CADPS2: variants seen among roughly 807,000 people sequenced by gnomAD.
CADPS2 encodes calcium dependent secretion activator 2.
A neutral mutation model predicts 172.5 loss-of-function variants in CADPS2; 93 were observed. The observed-to-expected ratio is 0.54, with a 90% CI of 0.46 to 0.64. The LOEUF (loss-of-function observed/expected upper bound fraction) is 0.64, where lower values mean the gene tolerates loss of function less well. CADPS2 is among the 30% of genes least tolerant of loss of function. CADPS2 has a pLI of 0.00. For missense variants in CADPS2, 1,420 were observed against 1,565.9 expected, an observed-to-expected ratio of 0.91 and a Z score of 1.57; for synonymous variants, 546 against 555.2, an observed-to-expected ratio of 0.98 and a Z score of 0.23.
At chr7:122,535,240 G>GT (rs2062139347) in intron 8 of CADPS2, among the ~76,000 whole-genome samples, 3 of 152,054 alleles carry the variant, frequency 2.0e-5, no homozygotes. Flanking sequence ...AATCAGACAA[G>GT]TGAGTTCAAA....
At chr7:122,453,514 A>C (rs2053391725) in intron 14 of CADPS2, among the ~76,000 whole-genome samples, 1 of 152,200 alleles carries the variant, frequency 6.6e-6, no homozygotes, top group African/African-American at 2.4e-5. Flanking sequence ...AAATTACATT[A>C]TCATGTAGAC....
At chr7:122,665,677 T>C (rs1007250967) in intron 2 of CADPS2, among the ~76,000 whole-genome samples, 5 of 152,208 alleles carry the variant, frequency 3.3e-5, no homozygotes, top group African/African-American at 7.2e-5. Context: ...GACGGCTGTA[T>C]AGGCAGTCAA....
intron 4 of CADPS2, among the ~76,000 whole-genome samples, chr7:122,628,048 T>C (rs1481947034): frequency 6.6e-6 from 1 of 152,154 alleles, no homozygotes; most frequent in African/African-American, 2.4e-5. Context: ...CCCTAATTTA[T>C]AGCACACTGT....
At chr7:122,489,995 A>G in intron 11 of CADPS2, 86 bp downstream of exon 11, 1 of 1,088,066 alleles carries the variant, frequency 9.2e-7, no homozygotes, top group East Asian at 2.6e-5. Context: ...AATGATGTAA[A>G]CTATAATACT....
chr7:122,809,582 A>G (rs1469715362), intron 1 of CADPS2, among the ~76,000 whole-genome samples: 1 of 149,516 alleles, frequency 6.7e-6, no homozygotes, highest in African/African-American at 2.4e-5. Flanking sequence ...ACTGTCTCAA[A>G]AAAAAAAAAA....
At chr7:122,629,395 A>C (rs1365544239) in intron 3 of CADPS2, 67 bp from the exon 4 acceptor site, 1 of 1,162,744 alleles carries the variant, frequency 8.6e-7, no homozygotes, top group Admixed American at 2.6e-5. Context: ...CCACAGACTG[A>C]GGCAGTCCCA....
intron 7 of CADPS2, among the ~76,000 whole-genome samples, chr7:122,573,138 C>A (rs1385281052): frequency 2.0e-5 from 3 of 152,176 alleles, no homozygotes; most frequent in East Asian, 3.9e-4. Context: ...CAGTGCTTCT[C>A]AACTCTGTAT....
intron 9 of CADPS2, among the ~76,000 whole-genome samples, chr7:122,510,443 CTT>C (rs2059927749): frequency 6.6e-6 from 1 of 152,148 alleles, no homozygotes. Context: ...ACATGAGAGT[CTT>C]TGAAACGTCT....
intron 17 of CADPS2, among the ~76,000 whole-genome samples, chr7:122,435,598 G>C (rs1003551681): frequency 2.6e-5 from 4 of 152,084 alleles, no homozygotes; most frequent in Non-Finnish European, 5.9e-5. Flanking sequence ...CAGCCACTAT[G>C]AAAAATAGTA....
Position 122,541,512 on chromosome 7 carries a change from TG to T in CADPS2, c.1475+13037del, listed in dbSNP as rs1421593564. 3.1e-4 allele frequency among the ~76,000 whole-genome samples: 33 copies of T among 107,158 alleles called. No individual in the cohort carries two copies. The East Asian group carries it at 3.4e-3, about 11-fold the overall frequency. The allele number at this position is 107,158 out of a possible 152,430, so 70.3% of individuals were successfully genotyped here. A position where few individuals can be genotyped will look rare whatever the true frequency, so the allele number is the denominator to read the frequency against. ...TGTGTCATTGTGCCCAGCCAATTTT[TG>T]TTTTTTTTTTTTTATGCTTCTCTTA... On this transcript the variant is annotated intron_variant, in intron 8 of 29. Coordinates refer to ENST00000449022, the MANE Select transcript of CADPS2 (RefSeq NM_017954.11).
At chr7:122,610,335 G>A (rs760033416) in intron 6 of CADPS2, among the ~76,000 whole-genome samples, 139 of 151,392 alleles carry the variant, frequency 9.2e-4, no homozygotes, top group Non-Finnish European at 1.6e-3. Context: ...AAAAAAAAGT[G>A]TTAAAATAAC....
At chr7:122,359,145 T>G (rs2039804180) in intron 27 of CADPS2, among the ~76,000 whole-genome samples, 1 of 152,176 alleles carries the variant, frequency 6.6e-6, no homozygotes, top group East Asian at 1.9e-4. Flanking sequence ...AAATAAGCGT[T>G]CCTCAGACAA....
Position 122,705,888 on chromosome 7 carries a change from A to AATATAATATAATATAATATATATT in CADPS2, c.453+31066_453+31067insAATATATATTATATTATATTATAT, listed in dbSNP as rs1564124160. On this transcript the variant is annotated intron_variant, in intron 2 of 29. Coordinates refer to ENST00000449022, the MANE Select transcript of CADPS2 (RefSeq NM_017954.11). ...ATATTATATATAATATAATATAATA[A>AATATAATATAATATAATATATATT]ATATAATATAATATATAATATATTA... Among the ~76,000 whole-genome samples the AATATAATATAATATAATATATATT allele has an allele frequency of 1.6e-3, 3 of 1,840 alleles. 1 individual carries two copies. In the South Asian group the frequency reaches 0.12, roughly 77 times the overall value. The allele number at this position is 1,840 out of a possible 152,430, so 1.2% of individuals were successfully genotyped here.
chr7:122,825,697 T>A lies in CADPS2; in HGVS notation c.339+60302A>T, dbSNP rs574892179. On this transcript the variant is annotated intron_variant, in intron 1 of 29. Coordinates refer to ENST00000449022, the MANE Select transcript of CADPS2 (RefSeq NM_017954.11). ...ATTCTTTAACTTTTTTTAATTAAAATTTTTACTGAGATAATTGCAGAATAA... is the reference window on the plus strand; with the variant it reads ...ATTCTTTAACTTTTTTTAATTAAAAATTTTACTGAGATAATTGCAGAATAA... Among the ~76,000 whole-genome samples the A allele has an allele frequency of 3.3e-5, 5 of 152,288 alleles. No individual in the cohort carries two copies. In the South Asian group the frequency reaches 1.0e-3, roughly 32 times the overall value.
At chr7:122,457,895 C>T (rs1460692823) in intron 14 of CADPS2, among the ~76,000 whole-genome samples, 1 of 152,160 alleles carries the variant, frequency 6.6e-6, no homozygotes, top group Non-Finnish European at 1.5e-5. Flanking sequence ...CCAGGGTTAA[C>T]ACTGTATAGT....
chr7:122,399,656 GTTTCTTTTTTTTTTTTTTTTTT>G (rs2045642830), intron 20 of CADPS2, among the ~76,000 whole-genome samples: 3 of 94,588 alleles, frequency 3.2e-5, no homozygotes, highest in African/African-American at 7.1e-5. Context: ...TCAAGGGTGG[GTTTCTTTTTTTTTTTTTTTTTT>G]TTTTTTTTTT....
At chr7:122,785,797 A>G (rs1793890980) in intron 1 of CADPS2, among the ~76,000 whole-genome samples, 1 of 152,004 alleles carries the variant, frequency 6.6e-6, no homozygotes, top group South Asian at 2.1e-4. Context: ...TTCCAACACT[A>G]TTCTCTCACT....
At chr7:122,782,318 T>A (rs1226543673) in intron 1 of CADPS2, among the ~76,000 whole-genome samples, 1 of 152,142 alleles carries the variant, frequency 6.6e-6, no homozygotes. Context: ...AAAATCTTCA[T>A]AGAATTGTTA....
intron 14 of CADPS2, among the ~76,000 whole-genome samples, chr7:122,454,122 C>G (rs1283973429): frequency 1.3e-5 from 2 of 152,164 alleles, no homozygotes; most frequent in African/African-American, 4.8e-5. Context: ...TACAATAATT[C>G]TTCCCGATAA....
Sources: allele counts gnomAD v4.1 joint callset (sites outside exome capture counted in the v4.1 genomes callset), GRCh38; gene constraint gnomAD v4.1.1; transcripts MANE v1.5; gene names NCBI Gene and HGNC (gene_info 2026-07-23, HGNC 2026-07-21).